AMOTL1: variants seen among roughly 807,000 people sequenced by gnomAD.
AMOTL1 encodes the protein angiomotin-like protein 1.
Under a neutral mutation model 102.9 loss-of-function variants are expected in AMOTL1, and 45 were observed. The ratio of observed to expected loss-of-function variants is 0.44; its 90% CI spans 0.34 to 0.56. The LOEUF (loss-of-function observed/expected upper bound fraction) is 0.56. AMOTL1 is among the 20% of genes least tolerant of loss of function. The pLI is 0.01. For missense variants in AMOTL1, 1,114 were observed against 1,225.6 expected (o/e 0.91, Z 1.36); for synonymous variants, 481 against 484.7 (o/e 0.99, Z 0.10).
intron 6 of AMOTL1, among the ~76,000 whole-genome samples, chr11:94,837,477 C>A (rs2135678198): frequency 6.6e-6 from 1 of 152,300 alleles, no homozygotes; most frequent in South Asian, 2.1e-4. Context: ...CCAAAGAATG[C>A]CTGCGTGGTT....
chr11:94,709,169 T>G (rs1591874855), intron 1 of AMOTL1, among the ~76,000 whole-genome samples: 1 of 152,302 alleles, frequency 6.6e-6, no homozygotes, highest in East Asian at 1.9e-4. Flanking sequence ...TTAATGCTAA[T>G]TCTCCACCTC....
chr11:94,861,177 G>A lies in AMOTL1; in HGVS notation c.2135+1462G>A, dbSNP rs1212969944. Reference sequence around the variant, plus strand: ...CCATGAGAGTGAGGCTTTGGGAGTGGGGATAGACACTTGAGATGGTGCGGT... The same window carrying A: ...CCATGAGAGTGAGGCTTTGGGAGTGAGGATAGACACTTGAGATGGTGCGGT... On this transcript the variant is annotated intron_variant, in intron 9 of 12. Coordinates refer to ENST00000433060, the MANE Select transcript of AMOTL1 (RefSeq NM_130847.3). Among the ~76,000 whole-genome samples, 4 of 152,198 alleles carry A rather than the reference G, an allele frequency of 2.6e-5. No individual in the cohort carries two copies. In the South Asian group the frequency reaches 6.2e-4, roughly 24 times the overall value.
chr11:94,719,903 G>T (rs1209328577), intron 1 of AMOTL1, among the ~76,000 whole-genome samples: 2 of 152,014 alleles, frequency 1.3e-5, no homozygotes, highest in Non-Finnish European at 2.9e-5. Flanking sequence ...AGAAATACGG[G>T]CACCCAAGGA....
chr11:94,719,112 A>G (rs1038541097), intron 1 of AMOTL1, among the ~76,000 whole-genome samples: 12 of 152,192 alleles, frequency 7.9e-5, no homozygotes, highest in African/African-American at 2.4e-4. Context: ...CTATTTATTG[A>G]ATAGTGTATC....
At chr11:94,747,688 G>A (rs6483363) in intron 3 of AMOTL1, among the ~76,000 whole-genome samples, 2 of 152,050 alleles carry the variant, frequency 1.3e-5, no homozygotes, top group African/African-American at 2.4e-5. Flanking sequence ...ACTGCGTTTC[G>A]TGCTTGTGCA....
rs1237398073 is a variant in AMOTL1, at chr11:94,740,934, C to A, written c.86-4C>A. ...AGTTGTTTTCTGCTTTTCTTCTCCC[C>A]CAGACAGTGAGTTTGTGGAAGCCTC... On this transcript the variant is annotated splice_polypyrimidine_tract_variant and splice_region_variant and intron_variant, in intron 2 of 4. Coordinates refer to the AMOTL1 transcript ENST00000299004. The A allele has an allele frequency of 2.3e-5, 30 of 1,289,002 alleles. No homozygotes were observed. The Admixed American group carries it at 2.5e-4, about 11-fold the overall frequency. 79.8% of individuals were successfully genotyped at this position (1,289,002 alleles called of 1,614,324 possible). A position where few individuals can be genotyped will look rare whatever the true frequency, so the allele number is the denominator to read the frequency against.
intron 2 of AMOTL1, among the ~76,000 whole-genome samples, chr11:94,796,138 A>G (rs539734826): frequency 2.0e-5 from 3 of 152,200 alleles, no homozygotes; most frequent in Non-Finnish European, 4.4e-5. Context: ...CTTTGGGTTT[A>G]TATCTCAGTT....
chr11:94,773,401 T>G (rs567822460), intron 1 of AMOTL1, among the ~76,000 whole-genome samples: 15 of 152,366 alleles, frequency 9.8e-5, no homozygotes, highest in African/African-American at 3.6e-4. Context: ...AGAGTTTGTA[T>G]GTCTTGCTGC....
chr11:94,822,407 A>G (rs1951883331), intron 4 of AMOTL1, among the ~76,000 whole-genome samples: 1 of 152,160 alleles, frequency 6.6e-6, no homozygotes, highest in African/African-American at 2.4e-5. Flanking sequence ...AGCCTGAGTG[A>G]CAGAGTGAGA....
In AMOTL1 at chr11:94,785,091, A is replaced by C. The variant is rs150283739; in HGVS notation, c.50-9920A>C. The stretch of plus-strand genomic sequence containing the variant: ...GCAGGGAGTGCCCTGTTATTCCCTG[A>C]AGCTTTTATAAAAAATAACACAAAG... On this transcript the variant is annotated intron_variant, in intron 1 of 12. Transcript: ENST00000433060. Among the ~76,000 whole-genome samples, 823 of 152,342 alleles carry C rather than the reference A, an allele frequency of 5.4e-3. 11 individuals carry two copies. The highest frequency in any genetic ancestry group is 0.019 in the African/African-American group (781 of 41,580).
At chr11:94,789,044 C>T (rs1951238633) in intron 1 of AMOTL1, among the ~76,000 whole-genome samples, 2 of 152,376 alleles carry the variant, frequency 1.3e-5, no homozygotes, top group African/African-American at 2.4e-5. Context: ...CAACCCCCAA[C>T]TCCAAACCTC....
At chr11:94,823,882 A>AT (rs55834505) in intron 4 of AMOTL1, among the ~76,000 whole-genome samples, 35,983 of 147,516 alleles carry the variant, frequency 0.24, 4,760 homozygotes, top group East Asian at 0.46. Context: ...CACCTGGCTA[A>AT]TTTTTTTTTT....
At chr11:94,763,487 G>GC (rs1950819843), upstream of AMOTL1, among the ~76,000 whole-genome samples, 1 of 152,278 alleles carries the variant, frequency 6.6e-6, no homozygotes, top group South Asian at 2.1e-4. Flanking sequence ...CTTGAACAAT[G>GC]CAGGAGTCAC....
intron 3 of AMOTL1, among the ~76,000 whole-genome samples, chr11:94,744,506 T>A (rs1042059694): frequency 6.6e-6 from 1 of 152,164 alleles, no homozygotes; most frequent in Non-Finnish European, 1.5e-5. Flanking sequence ...TCATTGGCCA[T>A]GGGTGATTAA....
At chr11:94,753,271 C>A (rs1166872154) in intron 3 of AMOTL1, among the ~76,000 whole-genome samples, 1 of 148,170 alleles carries the variant, frequency 6.7e-6, no homozygotes, top group African/African-American at 2.5e-5. Flanking sequence ...TGACTAGCAT[C>A]TAATAAATAT....
chr11:94,740,008 C>T (rs991680738), intron 2 of AMOTL1, among the ~76,000 whole-genome samples: 6 of 152,200 alleles, frequency 3.9e-5, no homozygotes, highest in Non-Finnish European at 2.9e-5. Flanking sequence ...TCTCCTCCCC[C>T]ACTTCTCCCT....
intron 6 of AMOTL1, among the ~76,000 whole-genome samples, chr11:94,839,700 T>G (rs773114778): frequency 3.9e-5 from 6 of 152,206 alleles, no homozygotes; most frequent in Admixed American, 6.5e-5. Context: ...CAACTAGAAT[T>G]AGGACCTCCT....
Position 94,859,565 on chromosome 11 carries a change from A to G in AMOTL1, c.1985A>G (p.Asn662Ser), listed in dbSNP as rs202006433. 2.0e-5 allele frequency: 32 copies of G among 1,613,520 alleles called. No individual in the cohort carries two copies. The African/African-American group carries it at 2.9e-4, about 15-fold the overall frequency. Residue 662 changes from asparagine to serine, a missense_variant, in exon 9 of 13, where the codon AAT becomes AGT. By Grantham distance (46) the Asn-to-Ser change is conservative. Transcript: ENST00000433060. ...CAGCCAGCCAACATGCCGGAATACA[A>G]TGCCCCAGCCCTCCTGGAACTTGTG... ...NGQPANMPEY[N>S]APALLELVRE...
intron 3 of AMOTL1, among the ~76,000 whole-genome samples, chr11:94,814,668 G>A (rs1951736464): frequency 6.6e-6 from 1 of 152,142 alleles, no homozygotes; most frequent in Admixed American, 6.5e-5. Context: ...AAGAAAAGGG[G>A]AAAAGAGAGG....
Sources: gnomAD v4.1 joint callset for allele counts (sites outside exome capture counted in the v4.1 genomes callset) on GRCh38, gnomAD v4.1.1 for gene constraint, MANE v1.5 for transcripts, NCBI Gene and HGNC (gene_info 2026-07-23, HGNC 2026-07-21) for gene names.